PDE4B: variants seen among roughly 807,000 people sequenced by gnomAD.
The protein encoded by PDE4B is phosphodiesterase 4B, also known as 3',5'-cyclic-AMP phosphodiesterase 4B.
A neutral mutation model predicts 82.2 loss-of-function variants in PDE4B; 20 were observed. That is an observed-to-expected ratio of 0.24 (90% CI 0.17 to 0.35). The LOEUF (loss-of-function observed/expected upper bound fraction) is 0.35, where lower values mean the gene tolerates loss of function less well. Ranked by LOEUF, PDE4B falls within the 10% of genes least tolerant of loss-of-function variation. The pLI, the probability that PDE4B is intolerant of heterozygous loss-of-function variation, is 1.00. For synonymous variants in PDE4B, 320 were observed against 318.9 expected (o/e 1.00, Z -0.04); for missense variants, 655 against 907.2 (o/e 0.72, Z 3.57).
chr1:66,198,185 G>A (rs993187066), intron 3 of PDE4B, among the ~76,000 whole-genome samples: 14 of 152,040 alleles, frequency 9.2e-5, no homozygotes, highest in African/African-American at 1.4e-4. Flanking sequence ...GCAAGGCCCC[G>A]TTCCCTTTCC....
At chr1:66,308,927 T>C (rs1658475948) in intron 7 of PDE4B, among the ~76,000 whole-genome samples, 1 of 152,206 alleles carries the variant, frequency 6.6e-6, no homozygotes, top group African/African-American at 2.4e-5. Context: ...TTCTACTCTA[T>C]AGTACTACAA....
intron 3 of PDE4B, among the ~76,000 whole-genome samples, chr1:66,200,770 T>C (rs931101344): frequency 6.6e-5 from 10 of 152,214 alleles, no homozygotes; most frequent in Non-Finnish European, 1.3e-4. Flanking sequence ...GTTTTCTAGA[T>C]ATACAATCAT....
intron 3 of PDE4B, among the ~76,000 whole-genome samples, chr1:65,959,305 T>C (rs1649428157): frequency 1.3e-5 from 2 of 152,238 alleles, no homozygotes; most frequent in African/African-American, 4.8e-5. Flanking sequence ...GGTACTGTTG[T>C]GTTTGATAGT....
At chr1:66,044,410 GA>G (rs1441717795) in intron 3 of PDE4B, among the ~76,000 whole-genome samples, 8 of 151,674 alleles carry the variant, frequency 5.3e-5, no homozygotes, top group Non-Finnish European at 1.2e-4. Context: ...GTGGCCGAAT[GA>G]AAAGACATAT....
intron 8 of PDE4B, among the ~76,000 whole-genome samples, chr1:66,354,215 A>G (rs1276828182): frequency 1.3e-5 from 2 of 152,184 alleles, no homozygotes. Flanking sequence ...AAATCGATTA[A>G]TCAAATGCAT....
intron 3 of PDE4B, among the ~76,000 whole-genome samples, chr1:66,186,273 C>A (rs1647209048): frequency 1.3e-5 from 2 of 152,156 alleles, no homozygotes; most frequent in Admixed American, 1.3e-4. Flanking sequence ...TAGCGTGATG[C>A]CTCCAGCTTT....
intron 3 of PDE4B, among the ~76,000 whole-genome samples, chr1:66,072,583 G>A (rs1656209225): frequency 6.6e-6 from 1 of 152,074 alleles, no homozygotes; most frequent in Admixed American, 6.6e-5. Flanking sequence ...GAGTGACTAT[G>A]GCTGTTTTGA....
chr1:65,913,932 C>T (rs867584561), intron 2 of PDE4B, among the ~76,000 whole-genome samples: 1 of 152,134 alleles, frequency 6.6e-6, no homozygotes, highest in Non-Finnish European at 1.5e-5. Flanking sequence ...TAGGTATGTA[C>T]TTTGTTTGAA....
chr1:65,940,550 G>T (rs1648389973), intron 3 of PDE4B, among the ~76,000 whole-genome samples: 1 of 152,090 alleles, frequency 6.6e-6, no homozygotes. Context: ...TTTGAAACAG[G>T]GTGATGCCAG....
intron 3 of PDE4B, among the ~76,000 whole-genome samples, chr1:65,956,727 T>C (rs1649279344): frequency 6.6e-6 from 1 of 152,136 alleles, no homozygotes; most frequent in Admixed American, 6.6e-5. Context: ...TGTATACCTG[T>C]CTCTTTTCGT....
chr1:66,104,945 T>C (rs1326260665), intron 3 of PDE4B, among the ~76,000 whole-genome samples: 6 of 149,532 alleles, frequency 4.0e-5, no homozygotes, highest in Admixed American at 1.3e-4. Flanking sequence ...TTAGTTTAAT[T>C]AGATCCCATT....
chr1:65,989,130 T>G (rs1278200824), intron 3 of PDE4B, among the ~76,000 whole-genome samples: 1 of 152,216 alleles, frequency 6.6e-6, no homozygotes, highest in Admixed American at 6.5e-5. Context: ...TTCAAATCCT[T>G]TAATGATATT....
intron 3 of PDE4B, among the ~76,000 whole-genome samples, chr1:65,930,401 G>A (rs79985487): frequency 0.062 from 9,418 of 152,276 alleles, 667 homozygotes; most frequent in East Asian, 0.36. Context: ...CCAGACTCCA[G>A]AATGATAGAT....
chr1:65,929,481 C>T (rs917616418), intron 3 of PDE4B, among the ~76,000 whole-genome samples: 2 of 152,198 alleles, frequency 1.3e-5, no homozygotes, highest in African/African-American at 4.8e-5. Context: ...CATGCACCTT[C>T]TGTTGCAGGT....
chr1:66,135,153 G>A (rs1351651731), intron 3 of PDE4B, among the ~76,000 whole-genome samples: 1 of 152,122 alleles, frequency 6.6e-6, no homozygotes, highest in Non-Finnish European at 1.5e-5. Context: ...GGAAGCAGAG[G>A]GTGGACAGAC....
intron 1 of PDE4B, among the ~76,000 whole-genome samples, chr1:65,827,966 T>G (rs889010837): frequency 6.6e-6 from 1 of 152,108 alleles, no homozygotes; most frequent in South Asian, 2.1e-4. Context: ...TCAGAAAACA[T>G]GCAAGCCAGA....
chr1:66,018,594 C>A (rs1569991399), intron 3 of PDE4B, among the ~76,000 whole-genome samples: 2 of 151,982 alleles, frequency 1.3e-5, no homozygotes, highest in Non-Finnish European at 2.9e-5. Context: ...TATCTTATAT[C>A]AAAATATCTG....
intron 3 of PDE4B, among the ~76,000 whole-genome samples, chr1:66,122,879 T>C (rs1645741995): frequency 6.6e-6 from 1 of 151,916 alleles, no homozygotes; most frequent in Non-Finnish European, 1.5e-5. Flanking sequence ...CTAATTTTTG[T>C]ATTTTTAGTA....
chr1:66,225,388 A>T (rs1291205188), intron 3 of PDE4B, among the ~76,000 whole-genome samples: 1 of 152,224 alleles, frequency 6.6e-6, no homozygotes, highest in Non-Finnish European at 1.5e-5. Flanking sequence ...TTCTCAGTCG[A>T]TAATATTTCT....
Sources: allele counts gnomAD v4.1 joint callset (sites outside exome capture counted in the v4.1 genomes callset), GRCh38; gene constraint gnomAD v4.1.1; transcripts MANE v1.5; gene names NCBI Gene and HGNC (gene_info 2026-07-23, HGNC 2026-07-21).